The following UGT3A1 variants were observed in gnomAD, a reference collection of about 807,000 sequenced individuals.
The protein encoded by UGT3A1 is UDP-glycosyltransferase 3A1.
UGT3A1 carries 40 observed loss-of-function variants against 37.6 expected under a neutral mutation model. The observed-to-expected ratio is 1.06, with a 90% CI of 0.83 to 1.38. The LOEUF is 1.38. Ranked by LOEUF, UGT3A1 falls within the 40% of genes most tolerant of loss-of-function variation. The probability of loss-of-function intolerance (pLI) is 0.00; values close to 1 mark genes in which losing one functional copy is unlikely to be tolerated. For synonymous variants in UGT3A1, 256 were observed against 232.3 expected, an observed-to-expected ratio of 1.10 and a Z score of -0.93; for missense variants, 642 against 634.2, an observed-to-expected ratio of 1.01 and a Z score of -0.13.
chr5:35,988,784 C>T (rs2149992753), intron 1 of UGT3A1, among the ~76,000 whole-genome samples: 1 of 152,272 alleles, frequency 6.6e-6, no homozygotes, highest in East Asian at 1.9e-4. Flanking sequence ...GGCAATCCTC[C>T]ATCAAAGATT....
intron 2 of UGT3A1, among the ~76,000 whole-genome samples, chr5:35,971,778 G>A (rs548873467): frequency 2.4e-4 from 37 of 152,258 alleles, no homozygotes; most frequent in South Asian, 2.1e-3. Context: ...AACATTTCTC[G>A]TCCTGCCCTT....
chr5:35,976,595 T>G (rs1056105237), intron 2 of UGT3A1, among the ~76,000 whole-genome samples: 1 of 152,110 alleles, frequency 6.6e-6, no homozygotes, highest in African/African-American at 2.4e-5. Flanking sequence ...ATCCCAGCAC[T>G]TTGAAAGGCC....
rs556890347 is a variant in UGT3A1 at position 35,960,579 on chromosome 5, T to C, written c.844-3160A>G. Among the ~76,000 whole-genome samples the C allele has an allele frequency of 9.2e-5, 14 of 152,140 alleles. 1 individual carries two copies. The South Asian group carries it at 2.7e-3, about 29-fold the overall frequency. On this transcript the variant is annotated intron_variant, in intron 4 of 6. Transcript: ENST00000274278. ...CTTTGGGGCTCTGGCCCCACAGCAG[T>C]ATATAAGGGTGGGTGCCTGCAACTC...
At chr5:35,995,916 A>T (rs1241551688), upstream of UGT3A1, among the ~76,000 whole-genome samples, 1 of 152,052 alleles carries the variant, frequency 6.6e-6, no homozygotes, top group African/African-American at 2.4e-5. Context: ...TCTTAAACAG[A>T]CTAGATGATG....
intron 1 of UGT3A1, among the ~76,000 whole-genome samples, chr5:35,990,285 T>C (rs1740890260): frequency 6.6e-6 from 1 of 151,996 alleles, no homozygotes; most frequent in Non-Finnish European, 1.5e-5. Context: ...AAATGGGCAC[T>C]AAATTAGATG....
Position 35,968,096 on chromosome 5 carries a change from C to T in UGT3A1, c.234G>A (p.Arg78=), listed in dbSNP as rs200946790. 1 of 1,612,956 alleles carries T rather than the reference C, an allele frequency of 6.2e-7. No homozygotes were observed. Among genetic ancestry groups the T allele is most frequent in the Non-Finnish European group, 8.5e-7 (1 of 1,179,652 alleles). ...TTTGATGATCTTCAGGTGAAAACCA[C>T]CTGATAACTTGGTATGATTTTTCCT... ...KEEEKSYQVI[R]WFSPEDHQKR... The change falls in exon 3 of 7, where the codon AGG becomes AGA. Residue 78 remains arginine (R), a synonymous_variant. Transcript: ENST00000274278.
intron 2 of UGT3A1, among the ~76,000 whole-genome samples, chr5:35,987,177 T>C (rs1176318804): frequency 2.0e-5 from 3 of 152,176 alleles, no homozygotes; most frequent in Non-Finnish European, 4.4e-5. Context: ...AGTTAACAAA[T>C]GTACAAGTAT....
Position 35,952,321 on chromosome 5 carries a change from G to A in UGT3A1, c.*1881C>T, listed in dbSNP as rs1488803518. 2 of 152,156 alleles carry A rather than the reference G, an allele frequency of 1.3e-5. No individual in the cohort carries two copies. Among genetic ancestry groups the A allele is most frequent in the African/African-American group, 4.8e-5 (2 of 41,426 alleles). 9.4% of individuals were successfully genotyped at this position (152,156 alleles called of 1,614,324 possible). On this transcript the variant is annotated 3_prime_UTR_variant, in exon 7 of 7. Transcript: ENST00000274278. ...CAGGTGTGCCTAGATTGGTAGCCAG[G>A]ACCAAATCATAGAGCCCTTATATTC...
rs953272061 is a variant in UGT3A1 at position 35,965,389 on chromosome 5, T to G, written c.840A>C (p.Pro280=). Residue 280 remains proline, a synonymous_variant, in exon 4 of 7, where the codon CCA becomes CCC. Coordinates refer to ENST00000274278, the MANE Select transcript of UGT3A1 (RefSeq NM_152404.4). ...GLMEKPIKPV[P]QDLDNFIANF... ...TGAATGCTGAGGGTTCACTTACTTGTGGTACTGGTTTAATAGGTTTTTCCA... is the reference window on the plus strand; with the variant it reads ...TGAATGCTGAGGGTTCACTTACTTGGGGTACTGGTTTAATAGGTTTTTCCA... 1 of 1,613,034 alleles carries G rather than the reference T, an allele frequency of 6.2e-7. No homozygotes were observed. Among genetic ancestry groups the G allele is most frequent in the Non-Finnish European group, 8.5e-7 (1 of 1,179,364 alleles).
chr5:35,965,279 G>A (rs1739751841), intron 4 of UGT3A1, 107 bp downstream of exon 4: 2 of 1,498,792 alleles, frequency 1.3e-6, no homozygotes, highest in South Asian at 2.7e-5. Context: ...TGCCTCCTTT[G>A]CCAATCCCTA....
intron 2 of UGT3A1, among the ~76,000 whole-genome samples, chr5:35,996,786 A>T (rs948880004): frequency 3.3e-5 from 5 of 152,224 alleles, no homozygotes; most frequent in African/African-American, 1.2e-4. Flanking sequence ...GCAGAGAAGG[A>T]AATATTAGGG....
chr5:35,955,954 G>A, intron 5 of UGT3A1, 90 bp from the exon 6 acceptor site: 2 of 1,272,948 alleles, frequency 1.6e-6, no homozygotes, highest in Non-Finnish European at 2.2e-6. Context: ...AAACACCAAT[G>A]AAATCAAGGT....
At chr5:35,966,728 T>C (rs1293016881) in intron 3 of UGT3A1, among the ~76,000 whole-genome samples, 2 of 152,234 alleles carry the variant, frequency 1.3e-5, no homozygotes, top group East Asian at 3.9e-4. Context: ...GTACAGGTGC[T>C]CTGGAGACCA....
intron 3 of UGT3A1, among the ~76,000 whole-genome samples, chr5:35,966,330 G>A (rs1363646029): frequency 9.9e-5 from 15 of 152,142 alleles, no homozygotes; most frequent in Non-Finnish European, 1.6e-4. Context: ...TAATTTGACA[G>A]GCTCCTTAAA....
chr5:35,998,532 T>C (rs1304968583), intron 1 of UGT3A1, among the ~76,000 whole-genome samples: 1 of 152,226 alleles, frequency 6.6e-6, no homozygotes, highest in Non-Finnish European at 1.5e-5. Flanking sequence ...CCCACTACAG[T>C]GATCTTAATC....
At position 35,951,044 on chromosome 5, in the gene UGT3A1, T is replaced by C. The variant is rs1188267510; in HGVS notation, c.*3158A>G. The C allele has an allele frequency of 6.6e-6, 1 of 152,124 alleles. No individual in the cohort carries two copies. The highest frequency in any genetic ancestry group is 2.4e-5 in the African/African-American group (1 of 41,434). The allele number at this position is 152,124 out of a possible 1,614,324, so 9.4% of individuals were successfully genotyped here. A position where few individuals can be genotyped will look rare whatever the true frequency, so the allele number is the denominator to read the frequency against. ...CTTTTTTTTTTCTGTTGATTGATTG[T>C]ATACAGTATATAGTAAAAGTACTGT... On this transcript the variant is annotated 3_prime_UTR_variant, in exon 7 of 7. Transcript: ENST00000274278.
intron 2 of UGT3A1, among the ~76,000 whole-genome samples, chr5:35,977,179 T>C (rs1740323373): frequency 6.6e-6 from 1 of 152,046 alleles, no homozygotes; most frequent in Non-Finnish European, 1.5e-5. Flanking sequence ...AACAGACGTG[T>C]ACACAAAACG....
In UGT3A1 at chr5:35,979,559, T is replaced by C. The variant is rs118113971; in HGVS notation, c.196+8891A>G. On this transcript the variant is annotated intron_variant, in intron 2 of 6. Coordinates refer to ENST00000274278, the MANE Select transcript of UGT3A1 (RefSeq NM_152404.4). ...GACTTCATTGTCCATATCACTATCA[T>C]TGTTTTTGTTAAAAAAAATTCAACA... 6.8e-3 allele frequency among the ~76,000 whole-genome samples: 1,024 copies of C among 151,288 alleles called. 34 individuals are homozygous for C. The highest frequency in any genetic ancestry group is 0.041 in the Admixed American group (622 of 15,280).
At chr5:35,963,093 A>G (rs1458835788) in intron 4 of UGT3A1, 1 of 622,506 alleles carries the variant, frequency 1.6e-6, no homozygotes, top group Non-Finnish European at 2.9e-6. Context: ...GATGCCACCC[A>G]CAGGTGCCAC....
Sources: allele counts gnomAD v4.1 joint callset (sites outside exome capture counted in the v4.1 genomes callset), GRCh38; gene constraint gnomAD v4.1.1; transcripts MANE v1.5; gene names NCBI Gene and HGNC (gene_info 2026-07-23, HGNC 2026-07-21).